Variants in VAV2 observed in about 807,000 individuals in gnomAD.
VAV2 encodes vav guanine nucleotide exchange factor 2, also known as guanine nucleotide exchange factor VAV2.
A neutral mutation model predicts 132.5 loss-of-function variants in VAV2; 67 were observed. That is an observed-to-expected ratio of 0.51 (90% CI 0.42 to 0.62). VAV2 has a LOEUF of 0.62. Among genes scored for constraint, VAV2 ranks in the 20% least tolerant of loss-of-function variants. VAV2 has a pLI of 0.00. For missense variants in VAV2, 938 were observed against 1,153.6 expected (o/e 0.81, Z 2.71); for synonymous variants, 492 against 443.5 (o/e 1.11, Z -1.37).
At chr9:133,787,329 G>C (rs952188724) in intron 15 of VAV2, 69 bp from the exon 16 acceptor site, 7 of 1,469,932 alleles carry the variant, frequency 4.8e-6, no homozygotes, top group Non-Finnish European at 4.5e-6. Context: ...CCTGTGGTGG[G>C]TGCCGCAGTG....
chr9:133,880,088 G>A (rs1266048414), intron 2 of VAV2, among the ~76,000 whole-genome samples: 1 of 152,268 alleles, frequency 6.6e-6, no homozygotes, highest in Non-Finnish European at 1.5e-5. Flanking sequence ...GCTGCATGGG[G>A]AAGACAGGCC....
intron 2 of VAV2, among the ~76,000 whole-genome samples, chr9:133,878,708 C>T (rs939749885): frequency 1.3e-5 from 2 of 152,198 alleles, no homozygotes; most frequent in African/African-American, 4.8e-5. Flanking sequence ...AAGTCACAAC[C>T]GCAGGGGGAT....
chr9:133,915,844 C>T (rs201568864), intron 2 of VAV2, among the ~76,000 whole-genome samples: 2 of 145,894 alleles, frequency 1.4e-5, no homozygotes, highest in East Asian at 2.1e-4. Flanking sequence ...GCACACACAA[C>T]GCACACACAC....
intron 12 of VAV2, among the ~76,000 whole-genome samples, chr9:133,792,465 TTGTG>T (rs1214463748): frequency 7.8e-5 from 3 of 38,432 alleles, no homozygotes; most frequent in East Asian, 6.0e-4. Context: ...GTGTGTGTGA[TTGTG>T]TGTGTGATTG....
chr9:133,978,881 C>G (rs1004072825), intron 1 of VAV2, among the ~76,000 whole-genome samples: 1 of 152,252 alleles, frequency 6.6e-6, no homozygotes, highest in Admixed American at 6.5e-5. Flanking sequence ...TCCTTCAGAA[C>G]ACGAAGCTTC....
At chr9:133,911,546 G>A (rs577288989) in intron 2 of VAV2, among the ~76,000 whole-genome samples, 40 of 152,170 alleles carry the variant, frequency 2.6e-4, no homozygotes, top group African/African-American at 7.9e-4. Flanking sequence ...CAGTCAAGAC[G>A]GTGAACATAT....
intron 17 of VAV2, among the ~76,000 whole-genome samples, chr9:133,785,384 A>C (rs2488562): frequency 0.99 from 151,177 of 152,306 alleles, 75,036 homozygotes; most frequent in East Asian, 1. Context: ...AAAACAGGTG[A>C]CAAGCCGCCA....
Position 133,857,879 on chromosome 9 carries a change from G to A in VAV2, c.380+3495C>T, listed in dbSNP as rs1326388132. Among the ~76,000 whole-genome samples, 1 of 152,218 alleles carries A rather than the reference G, an allele frequency of 6.6e-6. No individual in the cohort carries two copies. The highest frequency in any genetic ancestry group is 1.5e-5 in the Non-Finnish European group (1 of 68,032). The stretch of plus-strand genomic sequence containing the variant: ...GAGTGGGGCTCAGAGGAGGGAGGGT[G>A]GAGGAGAAGGGCAGGAAAGCCAGGC... On this transcript the variant is annotated intron_variant, in intron 3 of 29. Coordinates refer to ENST00000371850, the MANE Select transcript of VAV2 (RefSeq NM_001134398.2). This position sits in a 1 kb window ranked among gnomAD's most constrained non-coding sequence, Gnocchi z 4.0.
intron 3 of VAV2, among the ~76,000 whole-genome samples, chr9:133,851,415 C>A (rs992097684): frequency 1.3e-5 from 2 of 152,164 alleles, no homozygotes; most frequent in African/African-American, 4.8e-5. Context: ...CCAGTAACTC[C>A]AAAGGGCCGG....
intron 6 of VAV2, among the ~76,000 whole-genome samples, chr9:133,809,685 CA>C (rs769844751): frequency 3.9e-5 from 6 of 152,230 alleles, no homozygotes; most frequent in Non-Finnish European, 8.8e-5. Flanking sequence ...CCACCGCCAG[CA>C]GGGTCCCTGG....
At chr9:133,893,046 A>C (rs537015026) in intron 2 of VAV2, among the ~76,000 whole-genome samples, 1 of 152,308 alleles carries the variant, frequency 6.6e-6, no homozygotes, top group African/African-American at 2.4e-5. Context: ...GCCCTTAGAC[A>C]CGCAGTAAGG....
intron 3 of VAV2, among the ~76,000 whole-genome samples, chr9:133,858,460 C>T (rs1226592600): frequency 1.3e-5 from 2 of 152,144 alleles, no homozygotes; most frequent in African/African-American, 4.8e-5. Context: ...TGGAAACCCA[C>T]GCCCGATGTA....
intron 2 of VAV2, among the ~76,000 whole-genome samples, chr9:133,895,723 G>T (rs886933843): frequency 3.3e-5 from 5 of 152,158 alleles, no homozygotes; most frequent in Admixed American, 1.3e-4. Flanking sequence ...ATTAGTGGTG[G>T]ATACATGGCC....
At chr9:133,987,586 G>C (rs1588232385) in intron 1 of VAV2, among the ~76,000 whole-genome samples, 1 of 152,272 alleles carries the variant, frequency 6.6e-6, no homozygotes, top group East Asian at 1.9e-4. Flanking sequence ...GACTCTGGCA[G>C]GCCCAGGGCC....
chr9:133,809,989 C>T (rs2131696790), intron 6 of VAV2, among the ~76,000 whole-genome samples: 1 of 152,302 alleles, frequency 6.6e-6, no homozygotes, highest in African/African-American at 2.4e-5. Flanking sequence ...CTGCAGGTCT[C>T]TAAGGCAACG....
chr9:133,924,017 G>A (rs813926), intron 2 of VAV2, among the ~76,000 whole-genome samples: 48,304 of 151,714 alleles, frequency 0.32, 8,657 homozygotes, highest in East Asian at 0.72. Flanking sequence ...GGGAGGGAGA[G>A]CATTAGGAGA....
At chr9:133,982,501 C>T (rs1026817733) in intron 1 of VAV2, among the ~76,000 whole-genome samples, 5 of 150,180 alleles carry the variant, frequency 3.3e-5, no homozygotes, top group Admixed American at 2.6e-4. Flanking sequence ...GGATGGGGCG[C>T]GGCAGACTGG....
intron 1 of VAV2, among the ~76,000 whole-genome samples, chr9:133,973,522 G>C (rs1012574947): frequency 6.6e-6 from 1 of 152,206 alleles, no homozygotes; most frequent in Non-Finnish European, 1.5e-5. Flanking sequence ...AAGGGCAGCG[G>C]TGCAGAAAAC....
chr9:133,814,553 C>T (rs1355695721), intron 4 of VAV2, among the ~76,000 whole-genome samples: 2 of 152,244 alleles, frequency 1.3e-5, no homozygotes, highest in Admixed American at 6.5e-5. Flanking sequence ...TTTTCTCCAA[C>T]AGGCCAGGTG....
Sources: allele counts gnomAD v4.1 joint callset (sites outside exome capture counted in the v4.1 genomes callset), GRCh38; gene constraint gnomAD v4.1.1; non-coding constraint Gnocchi (gnomAD v3.1); transcripts MANE v1.5; gene names NCBI Gene and HGNC (gene_info 2026-07-23, HGNC 2026-07-21).